GMDS: variants seen among roughly 807,000 people sequenced by gnomAD.
The protein encoded by GMDS is GDP-mannose 4,6-dehydratase.
Under a neutral mutation model 49.9 loss-of-function variants are expected in GMDS, and 20 were observed. The ratio of observed to expected loss-of-function variants is 0.40; its 90% CI spans 0.28 to 0.58. GMDS has a LOEUF of 0.58. Ranked by LOEUF, GMDS falls within the 20% of genes least tolerant of loss-of-function variation. The pLI, the probability that GMDS is intolerant of heterozygous loss-of-function variation, is 0.42. For synonymous variants in GMDS, 177 were observed against 178.6 expected (o/e 0.99, Z 0.07); for missense variants, 362 against 481.4 (o/e 0.75, Z 2.32).
intron 7 of GMDS, among the ~76,000 whole-genome samples, chr6:1,907,668 G>A (rs1055535364): frequency 1.3e-5 from 2 of 152,146 alleles, no homozygotes; most frequent in South Asian, 2.1e-4. Context: ...GAAGTCAGTC[G>A]GACACAGAGC....
At chr6:2,059,450 T>A (rs926695088) in intron 4 of GMDS, among the ~76,000 whole-genome samples, 2 of 151,230 alleles carry the variant, frequency 1.3e-5, no homozygotes, top group Non-Finnish European at 2.9e-5. Context: ...GGCTCACGCC[T>A]GTAATCCCAG....
chr6:1,997,973 G>A (rs1164118826), intron 4 of GMDS, among the ~76,000 whole-genome samples: 25 of 152,136 alleles, frequency 1.6e-4, no homozygotes, highest in Admixed American at 1.6e-3. Flanking sequence ...GGCAGTACAA[G>A]AAGCCTATGA....
At chr6:2,012,265 A>G (rs1767610287) in intron 4 of GMDS, among the ~76,000 whole-genome samples, 2 of 152,282 alleles carry the variant, frequency 1.3e-5, no homozygotes, top group South Asian at 2.1e-4. Context: ...TAGAAATACA[A>G]ATGAAATAAA....
chr6:1,961,012 C>T (rs1345117892), intron 4 of GMDS, 46 bp from the exon 5 acceptor site: 1 of 1,162,458 alleles, frequency 8.6e-7, no homozygotes, highest in Non-Finnish European at 1.2e-6. Flanking sequence ...AGCTTCATAG[C>T]ACAAAGGTGC....
intron 4 of GMDS, among the ~76,000 whole-genome samples, chr6:2,093,789 A>G (rs1475302851): frequency 2.0e-5 from 3 of 152,260 alleles, no homozygotes; most frequent in East Asian, 1.9e-4. Context: ...CAAAAAAAAA[A>G]AGAAAAAAAC....
chr6:2,198,003 T>C (rs951238012), intron 1 of GMDS, among the ~76,000 whole-genome samples: 11 of 152,202 alleles, frequency 7.2e-5, no homozygotes, highest in Admixed American at 5.9e-4. Context: ...GGAGACACTG[T>C]ACAAAGTAAC....
intron 7 of GMDS, among the ~76,000 whole-genome samples, chr6:1,757,631 CT>C (rs914889332): frequency 4.6e-5 from 7 of 152,136 alleles, no homozygotes; most frequent in African/African-American, 1.7e-4. Flanking sequence ...TAACTCTGAC[CT>C]TGGGAATTTA....
At chr6:2,239,526 G>T (rs895895697) in intron 1 of GMDS, among the ~76,000 whole-genome samples, 1 of 152,094 alleles carries the variant, frequency 6.6e-6, no homozygotes, top group Non-Finnish European at 1.5e-5. Flanking sequence ...CACTTGACAA[G>T]TTAAGAAAAA....
At chr6:1,980,401 C>T (rs6912854) in intron 4 of GMDS, among the ~76,000 whole-genome samples, 63,751 of 150,906 alleles carry the variant, frequency 0.42, 13,704 homozygotes, top group Non-Finnish European at 0.47. Flanking sequence ...ATCCTAGTTT[C>T]TGACAAAACA....
intron 9 of GMDS, among the ~76,000 whole-genome samples, chr6:1,668,723 AAC>A (rs1491396384): frequency 2.7e-5 from 4 of 145,686 alleles, no homozygotes; most frequent in Admixed American, 6.9e-5. Flanking sequence ...CAAACAAACA[AAC>A]AAAAAAAACC....
intron 9 of GMDS, among the ~76,000 whole-genome samples, chr6:1,673,483 C>T (rs1407056765): frequency 6.6e-6 from 1 of 151,972 alleles, no homozygotes. Context: ...CACTCTTGCA[C>T]AATTTCCCCT....
Position 1,778,479 on chromosome 6 carries a change from A to AG in GMDS, c.772-35894dup, listed in dbSNP as rs558871753. Among the ~76,000 whole-genome samples the AG allele has an allele frequency of 1.3e-5, 2 of 152,144 alleles. No individual in the cohort carries two copies. Among genetic ancestry groups the AG allele is most frequent in the Non-Finnish European group, 2.9e-5 (2 of 68,032 alleles). On this transcript the variant is annotated intron_variant, in intron 7 of 10. Transcript: ENST00000380815. This position sits in a 1 kb window ranked among gnomAD's most constrained non-coding sequence, Gnocchi z 4.6. ...CCAAGGAACTGTGGAATTCAAGAGG[A>AG]GGGGGCAGCCTTCCTGACCTGGAAC...
chr6:1,970,381 A>G (rs143817500), intron 4 of GMDS, among the ~76,000 whole-genome samples: 90 of 152,334 alleles, frequency 5.9e-4, no homozygotes, highest in African/African-American at 2.1e-3. Flanking sequence ...GCTGACATTG[A>G]CTTAGCAGCT....
At chr6:2,219,102 C>CA (rs949902890) in intron 1 of GMDS, among the ~76,000 whole-genome samples, 11 of 151,880 alleles carry the variant, frequency 7.2e-5, no homozygotes, top group South Asian at 2.1e-4. Flanking sequence ...GTGTGAAAAA[C>CA]AAAAAAAGAA....
intron 7 of GMDS, among the ~76,000 whole-genome samples, chr6:1,925,507 G>A (rs1290403746): frequency 6.6e-6 from 1 of 152,142 alleles, no homozygotes; most frequent in South Asian, 2.1e-4. Context: ...TTACACAGAT[G>A]GAAAAATCAA....
chr6:2,210,038 C>T (rs987289611), intron 1 of GMDS, among the ~76,000 whole-genome samples: 1 of 152,182 alleles, frequency 6.6e-6, no homozygotes, highest in Non-Finnish European at 1.5e-5. Flanking sequence ...CTATTCTACA[C>T]TAGAGAAAAC....
intron 9 of GMDS, among the ~76,000 whole-genome samples, chr6:1,633,528 G>A (rs561202035): frequency 2.6e-5 from 4 of 152,286 alleles, no homozygotes; most frequent in East Asian, 3.9e-4. Context: ...CTGCAGAGGG[G>A]GCTGGCTTGT....
intron 9 of GMDS, among the ~76,000 whole-genome samples, chr6:1,699,813 T>C (rs1274066240): frequency 2.0e-5 from 3 of 152,254 alleles, no homozygotes; most frequent in African/African-American, 7.2e-5. Context: ...GGGACTTCCT[T>C]GGGGGTGGGG....
chr6:1,696,922 A>C (rs180788312), intron 9 of GMDS, among the ~76,000 whole-genome samples: 441 of 152,286 alleles, frequency 2.9e-3, no homozygotes, highest in Middle Eastern at 0.01. Flanking sequence ...ACCATCTGTG[A>C]CCCTGGGGTA....
Sources: gnomAD v4.1 joint callset for allele counts (sites outside exome capture counted in the v4.1 genomes callset) on GRCh38, gnomAD v4.1.1 for gene constraint, Gnocchi (gnomAD v3.1) non-coding constraint, MANE v1.5 for transcripts, NCBI Gene and HGNC (gene_info 2026-07-23, HGNC 2026-07-21) for gene names.